LITAF: variants seen among roughly 807,000 people sequenced by gnomAD.
LITAF encodes the protein lipopolysaccharide-induced tumor necrosis factor-alpha factor.
A neutral mutation model predicts 14.5 loss-of-function variants in LITAF; 9 were observed. The ratio of observed to expected loss-of-function variants is 0.62; its 90% CI spans 0.37 to 1.08. The LOEUF is 1.08. LITAF is among the 50% of genes least tolerant of loss of function. The pLI is 0.01. For synonymous variants in LITAF, 98 were observed against 88.2 expected, an observed-to-expected ratio of 1.11 and a Z score of -0.62; for missense variants, 206 against 213.4, an observed-to-expected ratio of 0.97 and a Z score of 0.22.
intron 3 of LITAF, among the ~76,000 whole-genome samples, chr16:11,619,236 G>C (rs1219590240): frequency 1.3e-5 from 2 of 151,898 alleles, no homozygotes; most frequent in Non-Finnish European, 1.5e-5. Flanking sequence ...GTTTGAACCT[G>C]GGAGGAAGAG....
chr16:11,579,092 G>A (rs1436636805), intron 1 of LITAF, among the ~76,000 whole-genome samples: 1 of 152,144 alleles, frequency 6.6e-6, no homozygotes, highest in African/African-American at 2.4e-5. Flanking sequence ...GGGAGGCTGA[G>A]GCAGGAGAGT....
chr16:11,601,549 C>G (rs1016407817), upstream of LITAF, among the ~76,000 whole-genome samples: 4 of 152,108 alleles, frequency 2.6e-5, no homozygotes, highest in African/African-American at 9.7e-5. Context: ...TACAAGGAAA[C>G]ACAGTAGGAG....
chr16:11,617,985 C>A (rs2065028557), intron 3 of LITAF, among the ~76,000 whole-genome samples: 1 of 152,100 alleles, frequency 6.6e-6, no homozygotes, highest in Non-Finnish European at 1.5e-5. Context: ...ATCCTCCCAC[C>A]TCAGCCTCCC....
rs561753892 is a variant in LITAF at position 11,615,818 on chromosome 16, G to A, written c.85+17715C>T. Among the ~76,000 whole-genome samples the A allele has an allele frequency of 7.2e-5, 11 of 152,276 alleles. 1 individual carries two copies. The East Asian group carries it at 2.1e-3, about 29-fold the overall frequency. ...GCCCTTGGACCCTCCTCAGTGATTA[G>A]AGTATCTTTCGTATGCTAATGGGAT... On this transcript the variant is annotated intron_variant, in intron 3 of 3. Transcript: ENST00000574848.
intron 1 of LITAF, among the ~76,000 whole-genome samples, chr16:11,575,005 G>T (rs2064608258): frequency 6.6e-6 from 1 of 152,252 alleles, no homozygotes; most frequent in East Asian, 1.9e-4. Context: ...GTTTCACCAT[G>T]TTGGCCAGGC....
At chr16:11,581,250 A>G (rs1321635403) in intron 1 of LITAF, among the ~76,000 whole-genome samples, 1 of 152,246 alleles carries the variant, frequency 6.6e-6, no homozygotes, top group African/African-American at 2.4e-5. Context: ...AGGCAGAAAG[A>G]AAGTCTTCTC....
rs1212831165 is a variant in LITAF at position 11,548,606 on chromosome 16, T to G, written c.*1031A>C. 3 of 443,200 alleles carry G rather than the reference T, an allele frequency of 6.8e-6. No individual in the cohort carries two copies. Among genetic ancestry groups the G allele is most frequent in the African/African-American group, 6.1e-5 (3 of 48,834 alleles). 27.5% of individuals were successfully genotyped at this position (443,200 alleles called of 1,614,324 possible). On this transcript the variant is annotated 3_prime_UTR_variant, in exon 4 of 4. Coordinates refer to ENST00000622633, the MANE Select transcript of LITAF (RefSeq NM_001136472.2). Reference sequence around the variant, plus strand: ...TCTTTTTCTTTTTTTTTTTTTTAAGTGAGACTACATTGGCAAATGGGAAAA... The same window carrying G: ...TCTTTTTCTTTTTTTTTTTTTTAAGGGAGACTACATTGGCAAATGGGAAAA...
chr16:11,582,757 C>A (rs1411245497), intron 1 of LITAF, among the ~76,000 whole-genome samples: 1 of 152,140 alleles, frequency 6.6e-6, no homozygotes, highest in Non-Finnish European at 1.5e-5. Context: ...AAGGTCTGGT[C>A]TTTTAGGGTC....
intron 3 of LITAF, among the ~76,000 whole-genome samples, chr16:11,626,593 C>T (rs1031176579): frequency 2.0e-5 from 3 of 152,172 alleles, no homozygotes; most frequent in Admixed American, 6.5e-5. Flanking sequence ...TGGCCTCGGC[C>T]TCCCAAAGTG....
chr16:11,614,434 G>C (rs568862863), intron 3 of LITAF, among the ~76,000 whole-genome samples: 1 of 151,180 alleles, frequency 6.6e-6, no homozygotes, highest in South Asian at 2.1e-4. Flanking sequence ...CAAGTAGCTG[G>C]GATTATAGGC....
upstream of LITAF, among the ~76,000 whole-genome samples, chr16:11,589,931 T>A (rs1265370630): frequency 8.3e-6 from 1 of 120,732 alleles, no homozygotes; most frequent in Non-Finnish European, 1.7e-5. Context: ...GCCAGTTGCA[T>A]TTCTATATAC....
intron 1 of LITAF, among the ~76,000 whole-genome samples, chr16:11,595,207 C>T (rs1382094665): frequency 6.6e-6 from 1 of 152,186 alleles, no homozygotes; most frequent in Non-Finnish European, 1.5e-5. Flanking sequence ...CAAAAAAGGT[C>T]CATGCAGCTG....
chr16:11,597,378 G>A (rs968878271), intron 1 of LITAF, among the ~76,000 whole-genome samples: 6 of 152,216 alleles, frequency 3.9e-5, no homozygotes, highest in Middle Eastern at 3.4e-3. Flanking sequence ...GAGTGCGGGT[G>A]GAGCATGAGT....
intron 1 of LITAF, among the ~76,000 whole-genome samples, chr16:11,597,967 C>T (rs569823116): frequency 6.6e-6 from 1 of 152,120 alleles, no homozygotes; most frequent in South Asian, 2.1e-4. Context: ...AGTGCAGTGG[C>T]GCTATCATAG....
chr16:11,573,789 C>T (rs1286753041), intron 1 of LITAF, among the ~76,000 whole-genome samples: 1 of 146,494 alleles, frequency 6.8e-6, no homozygotes, highest in Non-Finnish European at 1.5e-5. Flanking sequence ...GCAACCTCCA[C>T]TTCTCAGGTT....
intron 3 of LITAF, among the ~76,000 whole-genome samples, chr16:11,618,318 TC>T (rs2065029922): frequency 6.6e-6 from 1 of 152,266 alleles, no homozygotes; most frequent in East Asian, 1.9e-4. Context: ...AGCAGGTGCC[TC>T]CCCTGGCAAG....
chr16:11,636,258 A>T (rs2065137815), exon 1 of LITAF: 1 of 152,230 alleles, frequency 6.6e-6, no homozygotes, highest in South Asian at 2.1e-4. Flanking sequence ...TTGTTGTCTG[A>T]CAGCCATGCA....
chr16:11,553,522 G>A lies in LITAF; in HGVS notation c.377+11C>T, dbSNP rs2064215317. ...CAGGATGGCTTGGGGCCAAGTGGGAGGCAGACTCACCCCAGCAGGCACAGG... is the reference window on the plus strand; with the variant it reads ...CAGGATGGCTTGGGGCCAAGTGGGAAGCAGACTCACCCCAGCAGGCACAGG... On this transcript the variant is annotated intron_variant, in intron 3 of 3. Coordinates refer to ENST00000622633, the MANE Select transcript of LITAF (RefSeq NM_001136472.2). This position sits in a 1 kb window ranked among gnomAD's most constrained non-coding sequence, Gnocchi z 7.7. 1 of 1,613,788 alleles carries A rather than the reference G, an allele frequency of 6.2e-7. No homozygotes were observed. Among genetic ancestry groups the A allele is most frequent in the Non-Finnish European group, 8.5e-7 (1 of 1,179,948 alleles).
intron 3 of LITAF, among the ~76,000 whole-genome samples, chr16:11,618,148 T>G (rs1008006400): frequency 3.3e-5 from 5 of 152,238 alleles, no homozygotes; most frequent in Non-Finnish European, 7.3e-5. Flanking sequence ...ATTACAGGCG[T>G]GAGCCACTGC....
Sources: gnomAD v4.1 joint callset for allele counts (sites outside exome capture counted in the v4.1 genomes callset) on GRCh38, gnomAD v4.1.1 for gene constraint, Gnocchi (gnomAD v3.1) non-coding constraint, MANE v1.5 for transcripts, NCBI Gene and HGNC (gene_info 2026-07-23, HGNC 2026-07-21) for gene names.